The following FAM20A variants were observed in gnomAD, a reference collection of about 807,000 sequenced individuals.
FAM20A encodes FAM20A golgi associated secretory pathway pseudokinase.
FAM20A carries 42 observed loss-of-function variants against 52.0 expected under a neutral mutation model. The ratio of observed to expected loss-of-function variants is 0.81; its 90% CI spans 0.63 to 1.04. The LOEUF (loss-of-function observed/expected upper bound fraction) is 1.04, where lower values mean the gene tolerates loss of function less well. FAM20A is among the 50% of genes least tolerant of loss of function. The pLI, the probability that FAM20A is intolerant of heterozygous loss-of-function variation, is 0.00. For missense variants in FAM20A, 742 were observed against 712.7 expected (o/e 1.04, Z -0.47); for synonymous variants, 304 against 298.9 (o/e 1.02, Z -0.18).
intron 1 of FAM20A, among the ~76,000 whole-genome samples, chr17:68,599,472 T>C (rs1156659060): frequency 6.6e-6 from 1 of 152,244 alleles, no homozygotes; most frequent in Non-Finnish European, 1.5e-5. Context: ...ATATATTTGA[T>C]ATTTTTTCCT....
At chr17:68,554,670 G>A in intron 3 of FAM20A, 107 bp downstream of exon 3, 1 of 1,059,300 alleles carries the variant, frequency 9.4e-7, no homozygotes, top group South Asian at 1.3e-5. Flanking sequence ...TAGGCAGAGA[G>A]CCATGCTCCT....
intron 1 of FAM20A, chr17:68,590,365 C>T (rs146349393): frequency 5.8e-4 from 88 of 152,306 alleles, no homozygotes; most frequent in African/African-American, 2.0e-3. Context: ...GAAGAAAACA[C>T]TTTTCTCAGG....
chr17:68,575,709 AT>A (rs2087738753), intron 1 of FAM20A, among the ~76,000 whole-genome samples: 1 of 123,458 alleles, frequency 8.1e-6, no homozygotes, highest in Non-Finnish European at 1.6e-5. Context: ...TATATTATAT[AT>A]TATATATTTT....
intron 4 of FAM20A, among the ~76,000 whole-genome samples, chr17:68,550,245 A>G (rs939253421): frequency 2.6e-5 from 4 of 152,118 alleles, no homozygotes; most frequent in African/African-American, 9.6e-5. Context: ...GTTTTATATG[A>G]TGGGATTTTA....
intron 1 of FAM20A, among the ~76,000 whole-genome samples, chr17:68,558,608 G>C (rs1000383351): frequency 6.6e-6 from 1 of 152,192 alleles, no homozygotes; most frequent in Non-Finnish European, 1.5e-5. Flanking sequence ...CCATGAGTAA[G>C]TTTTCTGAGG....
chr17:68,580,704 G>T (rs879771596), intron 1 of FAM20A, among the ~76,000 whole-genome samples: 2 of 152,192 alleles, frequency 1.3e-5, no homozygotes, highest in Non-Finnish European at 2.9e-5. Flanking sequence ...AGGAACCAGT[G>T]TCCCAAAATG....
intron 1 of FAM20A, among the ~76,000 whole-genome samples, chr17:68,585,136 G>A (rs890616957): frequency 2.0e-5 from 3 of 152,142 alleles, no homozygotes; most frequent in Non-Finnish European, 2.9e-5. Flanking sequence ...CAAAGGTATT[G>A]TCTGAAGGGA....
In FAM20A at chr17:68,549,794, A is replaced by AC. The variant is rs528320209; in HGVS notation, c.719+2078dup. ...CAGCTGAGCATTGTGCCAAAGAGTC[A>AC]CATGTCTACTTGTGGAACCTCTGCT... On this transcript the variant is annotated intron_variant, in intron 4 of 10. Transcript: ENST00000592554. Among the ~76,000 whole-genome samples, 605 of 152,334 alleles carry AC rather than the reference A, an allele frequency of 4.0e-3. 10 individuals are homozygous for AC. The highest frequency in any genetic ancestry group is 0.014 in the African/African-American group (593 of 41,586).
intron 1 of FAM20A, among the ~76,000 whole-genome samples, chr17:68,564,570 G>C (rs902164797): frequency 2.6e-5 from 4 of 152,244 alleles, no homozygotes; most frequent in Non-Finnish European, 5.9e-5. Flanking sequence ...TGAGACTGCA[G>C]ATCATCCAAG....
intron 1 of FAM20A, among the ~76,000 whole-genome samples, chr17:68,568,399 T>C (rs1407103974): frequency 2.6e-5 from 4 of 151,258 alleles, no homozygotes; most frequent in African/African-American, 9.8e-5. Context: ...ACCCGGGAGG[T>C]GGAGCTTGCA....
At chr17:68,566,003 A>G (rs891860949) in intron 1 of FAM20A, among the ~76,000 whole-genome samples, 45 of 152,004 alleles carry the variant, frequency 3.0e-4, no homozygotes, top group Non-Finnish European at 1.5e-4. Context: ...CCTAAGTTCT[A>G]TGTTTAGTGT....
At chr17:68,576,711 C>T (rs1167845680) in intron 1 of FAM20A, among the ~76,000 whole-genome samples, 1 of 152,214 alleles carries the variant, frequency 6.6e-6, no homozygotes, top group Non-Finnish European at 1.5e-5. Flanking sequence ...ACTTGCTTAA[C>T]TGATGAGCAA....
chr17:68,578,837 CCAAAAAAAA>C (rs1335728606), intron 1 of FAM20A, among the ~76,000 whole-genome samples: 1 of 23,658 alleles, frequency 4.2e-5, no homozygotes, highest in Admixed American at 5.2e-4. Flanking sequence ...ACTAAAAATA[CCAAAAAAAA>C]AAAAAAAAAA....
At chr17:68,599,190 AAG>A (rs2088541096) in intron 1 of FAM20A, among the ~76,000 whole-genome samples, 1 of 152,176 alleles carries the variant, frequency 6.6e-6, no homozygotes, top group African/African-American at 2.4e-5. Context: ...TCTGAGTTTC[AAG>A]AGAGATTTAT....
At position 68,539,392 on chromosome 17, in the gene FAM20A, C is replaced by A. The variant is rs773554835; in HGVS notation, c.1306G>T (p.Gly436Ter). The change falls in exon 10 of 11, where the codon GGA becomes TGA. Residue 436 changes from glycine (G) to a stop codon, truncating the protein, a stop_gained. Coordinates refer to ENST00000592554, the MANE Select transcript of FAM20A (RefSeq NM_017565.4). LOFTEE classifies it high-confidence loss of function. ...GAGATTTCATCATGGGAGTGTCGTCCGAACCTAGGAGGAGAAACAGGCTTT... is the reference window on the plus strand; with the variant it reads ...GAGATTTCATCATGGGAGTGTCGTCAGAACCTAGGAGGAGAAACAGGCTTT... ...LIHLDNARGF[G>*]RHSHDEISIL... 1.9e-6 allele frequency: 3 copies of A among 1,614,000 alleles called. No homozygotes were observed. In the African/African-American group the frequency reaches 4.0e-5, roughly 22 times the overall value.
chr17:68,600,340 G>A lies in FAM20A; in HGVS notation c.327C>T (p.Leu109=), dbSNP rs1264090326. Residue 109 remains leucine (L), a synonymous_variant, in exon 1 of 11, where the codon CTC becomes CTT. Transcript: ENST00000592554. The surrounding 1 kb of genome is among the most constrained non-coding windows in gnomAD (Gnocchi z 6.2). Reference sequence around the variant, plus strand: ...CCAGGAGCGAGTCCTCGGCTCCCAGGAGAGGCGGCTCCTCCGGGACGTTGT... The same window carrying A: ...CCAGGAGCGAGTCCTCGGCTCCCAGAAGAGGCGGCTCCTCCGGGACGTTGT... The part of the protein sequence containing the change: ...PLYNVPEEPP[L]LGAEDSLLAS... 1.3e-6 allele frequency: 2 copies of A among 1,598,466 alleles called. No homozygotes were observed. The highest frequency in any genetic ancestry group is 1.1e-5 in the South Asian group (1 of 88,398).
chr17:68,560,268 C>G (rs569327963), intron 1 of FAM20A, among the ~76,000 whole-genome samples: 1 of 151,678 alleles, frequency 6.6e-6, no homozygotes, highest in East Asian at 1.9e-4. Context: ...TCGCTTGAAC[C>G]TGGGAGGTGG....
At chr17:68,583,244 T>C (rs1028932655) in intron 1 of FAM20A, among the ~76,000 whole-genome samples, 3 of 152,194 alleles carry the variant, frequency 2.0e-5, no homozygotes, top group African/African-American at 7.2e-5. Context: ...AGTTTTCTGT[T>C]GGGGCCCTAA....
chr17:68,592,703 A>G lies in FAM20A; in HGVS notation c.404+7560T>C, dbSNP rs1025238869. On this transcript the variant is annotated intron_variant, in intron 1 of 10. Coordinates refer to ENST00000592554, the MANE Select transcript of FAM20A (RefSeq NM_017565.4). ...TTTTCATGATCCAGCTTCTCAGTCC[A>G]TGTACCCTGTGCCAACACTTCTTAA... Among the ~76,000 whole-genome samples the G allele has an allele frequency of 2.0e-5, 3 of 152,308 alleles. No individual in the cohort carries two copies. The East Asian group carries it at 5.8e-4, about 29-fold the overall frequency.
Sources: gnomAD v4.1 joint callset for allele counts (sites outside exome capture counted in the v4.1 genomes callset) on GRCh38, gnomAD v4.1.1 for gene constraint, Gnocchi (gnomAD v3.1) non-coding constraint, MANE v1.5 for transcripts, NCBI Gene and HGNC (gene_info 2026-07-23, HGNC 2026-07-21) for gene names.